Variants in STK32B observed in about 807,000 individuals in gnomAD.
STK32B encodes the protein serine/threonine kinase 32B.
In STK32B, 43 loss-of-function variants were observed where a neutral mutation model predicts 52.6. That is an observed-to-expected ratio of 0.82 (90% CI 0.64 to 1.05). The LOEUF is 1.05. STK32B is among the 50% of genes least tolerant of loss of function. The pLI is 0.00. For missense variants in STK32B, 621 were observed against 534.6 expected, an observed-to-expected ratio of 1.16 and a Z score of -1.59; for synonymous variants, 238 against 204.3, an observed-to-expected ratio of 1.17 and a Z score of -1.41.
chr4:5,492,808 G>T (rs1269586997), intron 11 of STK32B, among the ~76,000 whole-genome samples: 1 of 151,168 alleles, frequency 6.6e-6, no homozygotes, highest in Non-Finnish European at 1.5e-5. Flanking sequence ...TTTGTCAAAG[G>T]CCTTTTCTGC....
At chr4:5,149,465 A>G (rs1369834171) in intron 2 of STK32B, among the ~76,000 whole-genome samples, 1 of 151,768 alleles carries the variant, frequency 6.6e-6, no homozygotes, top group African/African-American at 2.4e-5. Flanking sequence ...GTTTTAATTT[A>G]TCTATTGACT....
At chr4:5,420,938 C>T (rs1712587949) in intron 6 of STK32B, among the ~76,000 whole-genome samples, 1 of 152,136 alleles carries the variant, frequency 6.6e-6, no homozygotes, top group South Asian at 2.1e-4. Flanking sequence ...TCACTCTTGT[C>T]ACCCAAGCTA....
the STK32B span, among the ~76,000 whole-genome samples, chr4:5,040,474 A>G: frequency 6.7e-6 from 1 of 149,598 alleles, no homozygotes; most frequent in South Asian, 2.1e-4. Flanking sequence ...GCTCACTGCA[A>G]CCTCCGCCTC....
chr4:5,225,620 C>G (rs996498453), intron 3 of STK32B, among the ~76,000 whole-genome samples: 3 of 152,080 alleles, frequency 2.0e-5, no homozygotes, highest in Non-Finnish European at 4.4e-5. Context: ...CCTTAGAGGG[C>G]TGGTGATTTG....
chr4:5,473,801 G>A lies in STK32B; in HGVS notation c.1106+5731G>A, dbSNP rs183610423. Among the ~76,000 whole-genome samples, 38 of 152,244 alleles carry A rather than the reference G, an allele frequency of 2.5e-4. 1 individual carries two copies. Among genetic ancestry groups the A allele is most frequent in the African/African-American group, 6.7e-4 (28 of 41,562 alleles). On this transcript the variant is annotated intron_variant, in intron 11 of 11. Transcript: ENST00000282908. ...GATGGAGGGTGCCCTGACTAAGTCC[G>A]CAGCAGGGTAGACAGTCAAAAGATA...
chr4:5,099,454 G>GCGCGCGTGCGCGCGCACC (rs68114862), intron 1 of STK32B, among the ~76,000 whole-genome samples: 1 of 129,850 alleles, frequency 7.7e-6, no homozygotes, highest in Non-Finnish European at 1.9e-5. Flanking sequence ...GTGTGTGCGC[G>GCGCGCGTGCGCGCGCACC]CGCGCGTATG....
At chr4:5,139,882 T>G (rs148839358) in intron 1 of STK32B, 23 bp from the exon 2 acceptor site, 4 of 1,614,172 alleles carry the variant, frequency 2.5e-6, no homozygotes, top group Non-Finnish European at 3.4e-6. Flanking sequence ...CTGACTTGTT[T>G]CCTTTTTTGT....
chr4:5,106,358 A>G (rs1424148580), intron 1 of STK32B, among the ~76,000 whole-genome samples: 1 of 152,198 alleles, frequency 6.6e-6, no homozygotes, highest in African/African-American at 2.4e-5. Context: ...CTTTATGAAA[A>G]TGCTTCTAAA....
At chr4:5,265,214 A>G (rs1726982694) in intron 3 of STK32B, among the ~76,000 whole-genome samples, 1 of 152,232 alleles carries the variant, frequency 6.6e-6, no homozygotes, top group African/African-American at 2.4e-5. Context: ...AATCTGGACA[A>G]TGGTGCAAAA....
chr4:5,419,724 G>C (rs1712467275), intron 6 of STK32B, among the ~76,000 whole-genome samples: 1 of 152,190 alleles, frequency 6.6e-6, no homozygotes, highest in Non-Finnish European at 1.5e-5. Flanking sequence ...GTTGTAAGGA[G>C]AACTTATTTT....
chr4:5,053,947 C>T (rs959265744), intron 1 of STK32B, among the ~76,000 whole-genome samples: 2 of 149,336 alleles, frequency 1.3e-5, no homozygotes, highest in Non-Finnish European at 3.0e-5. Flanking sequence ...CCATTGCATT[C>T]GAGCCTGGGC....
intron 1 of STK32B, among the ~76,000 whole-genome samples, chr4:5,095,968 GA>G (rs34229794): frequency 2.6e-5 from 4 of 152,114 alleles, no homozygotes; most frequent in African/African-American, 9.7e-5. Context: ...ACGTGAACTG[GA>G]AAAAAATTCT....
chr4:5,218,467 GT>G (rs1481377938), intron 3 of STK32B, among the ~76,000 whole-genome samples: 1 of 152,188 alleles, frequency 6.6e-6, no homozygotes, highest in Non-Finnish European at 1.5e-5. Context: ...TAATGGATTG[GT>G]TCTTGAGGGT....
intron 5 of STK32B, among the ~76,000 whole-genome samples, chr4:5,410,909 T>C (rs1711602653): frequency 6.6e-6 from 1 of 152,204 alleles, no homozygotes; most frequent in Non-Finnish European, 1.5e-5. Flanking sequence ...AGGGCTGCTC[T>C]CTGCTTCCAA....
intron 3 of STK32B, among the ~76,000 whole-genome samples, chr4:5,204,498 C>A (rs562358871): frequency 3.7e-5 from 2 of 54,436 alleles, no homozygotes; most frequent in South Asian, 1.3e-3. Flanking sequence ...GAGACAGAGT[C>A]TCACTCTGTT....
chr4:5,071,133 A>G (rs943299348), intron 1 of STK32B, among the ~76,000 whole-genome samples: 2 of 152,164 alleles, frequency 1.3e-5, no homozygotes, highest in African/African-American at 4.8e-5. Context: ...GAGACACTTA[A>G]TGGTTTTAAT....
chr4:5,156,131 T>A (rs951232829), intron 2 of STK32B, among the ~76,000 whole-genome samples: 1 of 151,636 alleles, frequency 6.6e-6, no homozygotes, highest in African/African-American at 2.4e-5. Context: ...TATACACATA[T>A]ACATATACAC....
intron 5 of STK32B, among the ~76,000 whole-genome samples, chr4:5,407,981 G>A (rs1737788773): frequency 6.6e-6 from 1 of 152,120 alleles, no homozygotes; most frequent in Admixed American, 6.5e-5. Flanking sequence ...TCCACCATGT[G>A]AGAACACAGC....
At chr4:5,322,454 C>T (rs1032016760) in intron 3 of STK32B, among the ~76,000 whole-genome samples, 9 of 152,162 alleles carry the variant, frequency 5.9e-5, no homozygotes, top group Admixed American at 3.3e-4. Context: ...ATGCTCAGCT[C>T]ATTGCCCCTG....
Sources: gnomAD v4.1 joint callset for allele counts (sites outside exome capture counted in the v4.1 genomes callset) on GRCh38, gnomAD v4.1.1 for gene constraint, MANE v1.5 for transcripts, NCBI Gene and HGNC (gene_info 2026-07-23, HGNC 2026-07-21) for gene names.